Variants in CLOCK observed in about 807,000 individuals in gnomAD.
CLOCK encodes the protein circadian locomoter output cycles protein kaput.
A neutral mutation model predicts 118.4 loss-of-function variants in CLOCK; 43 were observed. That is an observed-to-expected ratio of 0.36 (90% CI 0.28 to 0.47). CLOCK has a LOEUF of 0.47. Ranked by LOEUF, CLOCK falls within the 20% of genes least tolerant of loss-of-function variation. The pLI is 1.00. For synonymous variants in CLOCK, 326 were observed against 339.2 expected (o/e 0.96, Z 0.43); for missense variants, 846 against 999.9 (o/e 0.85, Z 2.08).
chr4:55,508,454 GA>G (rs1728943984), intron 2 of CLOCK, among the ~76,000 whole-genome samples: 1 of 152,096 alleles, frequency 6.6e-6, no homozygotes, highest in African/African-American at 2.4e-5. Context: ...AAGTCACTGA[GA>G]ATTGGCATGG....
intron 7 of CLOCK, among the ~76,000 whole-genome samples, chr4:55,473,912 T>C (rs778836203): frequency 3.9e-5 from 6 of 152,106 alleles, no homozygotes; most frequent in Non-Finnish European, 5.9e-5. Flanking sequence ...CCCATCCCTC[T>C]CCCTCTCCTT....
chr4:55,461,361 A>C, intron 9 of CLOCK, among the ~76,000 whole-genome samples: 1 of 152,260 alleles, frequency 6.6e-6, no homozygotes, highest in Non-Finnish European at 1.5e-5. Flanking sequence ...CAACTTTTAT[A>C]AGCAAGGTAC....
chr4:55,458,998 G>A lies in CLOCK; in HGVS notation c.686C>T (p.Ala229Val), dbSNP rs763256665. 4 of 1,611,802 alleles carry A rather than the reference G, an allele frequency of 2.5e-6. No individual in the cohort carries two copies. The highest frequency in any genetic ancestry group is 3.3e-5 in the Admixed American group (2 of 60,006). The change falls in exon 11 of 23, where the codon GCA becomes GTA. Residue 229 changes from alanine to valine, a missense_variant. Ala to Val is a moderately conservative substitution (Grantham distance 64, BLOSUM62 0). Coordinates refer to ENST00000513440, the MANE Select transcript of CLOCK (RefSeq NM_004898.4). ...FKSLNSVSSS[A>V]HNGFEGTIQR... ...TATAGTTCCTTCAAAACCATTGTGT[G>A]CTGAAGAGGATACTAAAACAATAGG...
chr4:55,537,603 A>G (rs537577989), intron 1 of CLOCK, among the ~76,000 whole-genome samples: 2 of 152,062 alleles, frequency 1.3e-5, no homozygotes, highest in African/African-American at 4.8e-5. Context: ...TAGGCAACGG[A>G]GTGAGACCCA....
At chr4:55,483,148 C>T (rs569450528) in intron 3 of CLOCK, among the ~76,000 whole-genome samples, 2 of 152,256 alleles carry the variant, frequency 1.3e-5, no homozygotes, top group South Asian at 4.2e-4. Context: ...TGTAATAACA[C>T]CATCTATTCA....
intron 2 of CLOCK, among the ~76,000 whole-genome samples, chr4:55,508,555 G>A (rs796360597): frequency 7.3e-5 from 11 of 151,538 alleles, no homozygotes; most frequent in African/African-American, 2.4e-4. Context: ...GTAGAGCAAG[G>A]ATCAGCTAAA....
intron 1 of CLOCK, among the ~76,000 whole-genome samples, chr4:55,522,297 T>C (rs1015000378): frequency 3.3e-5 from 5 of 152,258 alleles, no homozygotes; most frequent in East Asian, 1.9e-4. Flanking sequence ...TTTGGCTTCA[T>C]TCTAATTCAA....
chr4:55,435,283 C>G lies in CLOCK; in HGVS notation c.*132G>C, dbSNP rs1722790708. ...GCAGCATTTTCTCTGCCAACTAATT[C>G]CAGGAACTAGAACACTCAATACTGC... On this transcript the variant is annotated 3_prime_UTR_variant, in exon 23 of 23. Coordinates refer to ENST00000513440, the MANE Select transcript of CLOCK (RefSeq NM_004898.4). 1.9e-6 allele frequency: 2 copies of G among 1,077,552 alleles called. No individual in the cohort carries two copies. Among genetic ancestry groups the G allele is most frequent in the Non-Finnish European group, 1.4e-6 (1 of 718,556 alleles). The allele number at this position is 1,077,552 out of a possible 1,614,324, so 66.7% of individuals were successfully genotyped here.
rs576482837 is a variant in CLOCK, at chr4:55,527,863, C to T, written c.-289-17798G>A. On this transcript the variant is annotated intron_variant, in intron 1 of 22. Transcript: ENST00000513440. ...ATGGAGAACAGCCTTGGCAACATAG[C>T]GAGATCTCATCTCTACCATAAAATT... Among the ~76,000 whole-genome samples, 9 of 151,762 alleles carry T rather than the reference C, an allele frequency of 5.9e-5. No homozygotes were observed. In the East Asian group the frequency reaches 1.7e-3, roughly 29 times the overall value.
intron 14 of CLOCK, 106 bp from the exon 15 acceptor site, chr4:55,453,235 A>C: frequency 1.1e-6 from 1 of 930,772 alleles, no homozygotes. Flanking sequence ...GTTCATCTAG[A>C]CTATTTGCTA....
At chr4:55,494,912 T>C (rs1384631752) in intron 2 of CLOCK, among the ~76,000 whole-genome samples, 1 of 152,212 alleles carries the variant, frequency 6.6e-6, no homozygotes, top group African/African-American at 2.4e-5. Context: ...CCTTCTGAGC[T>C]GCAGAACTGT....
chr4:55,444,205 C>A (rs1283749909), intron 19 of CLOCK, among the ~76,000 whole-genome samples: 1 of 152,132 alleles, frequency 6.6e-6, no homozygotes, highest in East Asian at 1.9e-4. Flanking sequence ...CCAAGTTTCC[C>A]TTTACCAAAG....
At chr4:55,489,938 G>C (rs555809448) in intron 2 of CLOCK, among the ~76,000 whole-genome samples, 3 of 151,754 alleles carry the variant, frequency 2.0e-5, no homozygotes, top group East Asian at 3.9e-4. Context: ...AAAAAATAAA[G>C]AAAGAAAGAA....
chr4:55,438,433 G>A lies in CLOCK; in HGVS notation c.2210C>T (p.Ala737Val). The change falls in exon 22 of 23, where the codon GCA becomes GTA. Residue 737 changes from alanine (A) to valine (V), a missense_variant. This residue lies in a region of CLOCK where 520 missense variants were observed against 558.0 expected (regional missense o/e 0.93). Transcript: ENST00000513440. Reference protein sequence around the residue: ...STMLMGQVVTAYPTFATQQQQ... With the variant: ...STMLMGQVVTVYPTFATQQQQ... ...CTGTTGTGTAGCAAAAGTAGGATAT[G>A]CAGTCACCACCTGGCCCATAAGCAT... 1.2e-6 allele frequency: 2 copies of A among 1,613,924 alleles called. No individual in the cohort carries two copies. Among genetic ancestry groups the A allele is most frequent in the Non-Finnish European group, 1.7e-6 (2 of 1,180,004 alleles).
At chr4:55,508,669 T>C in intron 2 of CLOCK, among the ~76,000 whole-genome samples, 1 of 151,742 alleles carries the variant, frequency 6.6e-6, no homozygotes, top group South Asian at 2.1e-4. Flanking sequence ...CTCGGCTCAC[T>C]GCAAGCGCCG....
intron 1 of CLOCK, among the ~76,000 whole-genome samples, chr4:55,518,308 AG>A (rs1729645439): frequency 6.6e-6 from 1 of 152,178 alleles, no homozygotes; most frequent in Non-Finnish European, 1.5e-5. Flanking sequence ...GTAAATGCAG[AG>A]GAGAGAGGAC....
chr4:55,449,380 C>T lies in CLOCK; in HGVS notation c.1449+16G>A, dbSNP rs1272108447. Reference sequence around the variant, plus strand: ...AATAAATCTTTATTCAGAAGAATATCCACTAAAGAGCTTACCTGACTACTA... The same window carrying T: ...AATAAATCTTTATTCAGAAGAATATTCACTAAAGAGCTTACCTGACTACTA... On this transcript the variant is annotated intron_variant, in intron 17 of 22. Transcript: ENST00000513440. 1.9e-6 allele frequency: 3 copies of T among 1,589,886 alleles called. No homozygotes were observed. In the South Asian group the frequency reaches 3.3e-5, roughly 18 times the overall value.
chr4:55,438,871 TA>T (rs1479353083), intron 21 of CLOCK, among the ~76,000 whole-genome samples: 4 of 152,168 alleles, frequency 2.6e-5, no homozygotes, highest in African/African-American at 9.7e-5. Context: ...GCTAATGCTA[TA>T]AAACTCTTAG....
chr4:55,510,979 G>C (rs1353235101), intron 1 of CLOCK, among the ~76,000 whole-genome samples: 1 of 152,170 alleles, frequency 6.6e-6, no homozygotes. Flanking sequence ...CAATATACTA[G>C]CCATTCTGAA....
Sources: allele counts gnomAD v4.1 joint callset (sites outside exome capture counted in the v4.1 genomes callset), GRCh38; gene constraint gnomAD v4.1.1; regional missense constraint gnomAD v4.1.1; transcripts MANE v1.5; gene names NCBI Gene and HGNC (gene_info 2026-07-23, HGNC 2026-07-21).